MAGI2: variants seen among roughly 807,000 people sequenced by gnomAD.
MAGI2 encodes the protein membrane associated guanylate kinase, WW and PDZ domain containing 2, also known as membrane-associated guanylate kinase, WW and PDZ domain-containing protein 2.
A neutral mutation model predicts 133.3 loss-of-function variants in MAGI2; 35 were observed. That is an observed-to-expected ratio of 0.26 (90% CI 0.20 to 0.35). The LOEUF is 0.35. MAGI2 is among the 10% of genes least tolerant of loss of function. MAGI2 has a pLI of 1.00. For synonymous variants in MAGI2, 729 were observed against 710.6 expected (o/e 1.03, Z -0.41); for missense variants, 1,636 against 1,863.4 (o/e 0.88, Z 2.25).
intron 1 of MAGI2, among the ~76,000 whole-genome samples, chr7:79,442,338 T>G (rs1395394213): frequency 6.6e-6 from 1 of 152,144 alleles, no homozygotes; most frequent in African/African-American, 2.4e-5. Flanking sequence ...TTGTCACACA[T>G]GGAATAGTTT....
At chr7:78,901,025 C>T (rs1367950028) in intron 2 of MAGI2, among the ~76,000 whole-genome samples, 1 of 152,186 alleles carries the variant, frequency 6.6e-6, no homozygotes, top group Non-Finnish European at 1.5e-5. Context: ...ATTCTGGCAT[C>T]TGTCACAAGA....
chr7:78,659,424 C>CAAAAA (rs71085553), intron 2 of MAGI2, among the ~76,000 whole-genome samples: 3 of 23,676 alleles, frequency 1.3e-4, no homozygotes, highest in Non-Finnish European at 2.1e-4. Flanking sequence ...GACTTCATCT[C>CAAAAA]AAAAAAAAAA....
At chr7:78,224,307 G>A (rs965113000) in intron 10 of MAGI2, among the ~76,000 whole-genome samples, 1 of 152,144 alleles carries the variant, frequency 6.6e-6, no homozygotes, top group Non-Finnish European at 1.5e-5. Context: ...ATCAGGTTGT[G>A]TGGGAAAAAA....
intron 13 of MAGI2, 78 bp from the exon 14 acceptor site, chr7:78,178,180 A>AAATT (rs1826843915): frequency 1.1e-6 from 1 of 903,822 alleles, no homozygotes; most frequent in Non-Finnish European, 1.8e-6. Flanking sequence ...TACCAATGAT[A>AAATT]AATTAATTTT....
At chr7:78,313,783 T>C (rs1798928125) in intron 9 of MAGI2, among the ~76,000 whole-genome samples, 1 of 152,122 alleles carries the variant, frequency 6.6e-6, no homozygotes, top group Non-Finnish European at 1.5e-5. Context: ...AAAAATCATA[T>C]GCTTATTTGC....
chr7:78,549,438 A>T (rs1051130100), intron 3 of MAGI2, among the ~76,000 whole-genome samples: 3 of 151,798 alleles, frequency 2.0e-5, no homozygotes, highest in Admixed American at 1.3e-4. Context: ...TCATAAAATC[A>T]CCCGATTCCT....
intron 1 of MAGI2, among the ~76,000 whole-genome samples, chr7:79,192,198 T>C (rs2129551248): frequency 6.6e-6 from 1 of 152,060 alleles, no homozygotes; most frequent in South Asian, 2.1e-4. Context: ...TTTGACGTAC[T>C]TTACCTTTCA....
chr7:78,223,187 C>T (rs1003536860), intron 10 of MAGI2, among the ~76,000 whole-genome samples: 1 of 152,236 alleles, frequency 6.6e-6, no homozygotes, highest in South Asian at 2.1e-4. Context: ...AGTTCTAAGC[C>T]TGTATGTTTC....
intron 1 of MAGI2, among the ~76,000 whole-genome samples, chr7:79,421,748 C>T (rs573046950): frequency 7.2e-4 from 109 of 152,102 alleles, no homozygotes; most frequent in Non-Finnish European, 1.4e-3. Context: ...GAGACATTCA[C>T]AACACAGACT....
chr7:79,311,336 G>T (rs762677425), intron 1 of MAGI2, among the ~76,000 whole-genome samples: 3 of 152,100 alleles, frequency 2.0e-5, no homozygotes, highest in Non-Finnish European at 4.4e-5. Flanking sequence ...AATAGCTGAT[G>T]AGCTAAACAT....
intron 4 of MAGI2, among the ~76,000 whole-genome samples, chr7:78,520,757 A>T (rs114367136): frequency 1.3e-5 from 2 of 151,438 alleles, no homozygotes; most frequent in Non-Finnish European, 2.9e-5. Context: ...CACATTTTAT[A>T]TTTGTGTCTA....
intron 7 of MAGI2, among the ~76,000 whole-genome samples, chr7:78,363,125 C>CA (rs1214145521): frequency 1.3e-5 from 2 of 152,196 alleles, no homozygotes; most frequent in Non-Finnish European, 2.9e-5. Flanking sequence ...ATAATTATGA[C>CA]AATATAACCT....
intron 2 of MAGI2, among the ~76,000 whole-genome samples, chr7:78,845,906 T>C (rs1487469590): frequency 2.0e-5 from 3 of 151,620 alleles, no homozygotes; most frequent in Non-Finnish European, 4.4e-5. Flanking sequence ...TAGGGCAACG[T>C]GAAAAAGGAG....
At chr7:78,804,730 C>CA (rs1788377555) in intron 2 of MAGI2, among the ~76,000 whole-genome samples, 2 of 129,552 alleles carry the variant, frequency 1.5e-5, no homozygotes, top group African/African-American at 6.6e-5. Context: ...GCCTGGGCAA[C>CA]AGAGCGAGAC....
At chr7:78,656,712 A>G (rs2151028964) in intron 2 of MAGI2, among the ~76,000 whole-genome samples, 1 of 152,346 alleles carries the variant, frequency 6.6e-6, no homozygotes, top group East Asian at 1.9e-4. Context: ...TAATTTCACA[A>G]TGTATATCAA....
At chr7:79,211,682 C>T (rs1363439425) in intron 1 of MAGI2, among the ~76,000 whole-genome samples, 2 of 151,482 alleles carry the variant, frequency 1.3e-5, no homozygotes, top group African/African-American at 4.9e-5. Flanking sequence ...TATTTTTTCC[C>T]AAGATTACTG....
chr7:78,441,445 C>A (rs1787622334), intron 6 of MAGI2, among the ~76,000 whole-genome samples: 3 of 152,122 alleles, frequency 2.0e-5, no homozygotes, highest in Admixed American at 1.3e-4. Context: ...AAAAGCTCTG[C>A]CAGCCATTAA....
At chr7:78,451,379 T>G (rs1200556281) in intron 6 of MAGI2, among the ~76,000 whole-genome samples, 1 of 152,118 alleles carries the variant, frequency 6.6e-6, no homozygotes, top group Admixed American at 6.6e-5. Context: ...TTTAACCTAC[T>G]TAACATTTGA....
rs186447714 is a variant in MAGI2 at position 79,023,469 on chromosome 7, C to T, written c.302-16263G>A. The stretch of plus-strand genomic sequence containing the variant: ...TCACCACTCCTATTTAACATAGTGC[C>T]GAAAATCCTAGCCAGAGAAATCTGG... On this transcript the variant is annotated intron_variant, in intron 1 of 21. Transcript: ENST00000354212. 2.6e-4 allele frequency among the ~76,000 whole-genome samples: 39 copies of T among 152,048 alleles called. 2 individuals carry two copies. The highest frequency in any genetic ancestry group is 1.3e-3 in the Admixed American group (20 of 15,274).
Sources: gnomAD v4.1 joint callset for allele counts (sites outside exome capture counted in the v4.1 genomes callset) on GRCh38, gnomAD v4.1.1 for gene constraint, MANE v1.5 for transcripts, NCBI Gene and HGNC (gene_info 2026-07-23, HGNC 2026-07-21) for gene names.